TTC13: variants seen among roughly 807,000 people sequenced by gnomAD.
TTC13 encodes the protein tetratricopeptide repeat domain 13, also known as tetratricopeptide repeat protein 13.
A neutral mutation model predicts 120.0 loss-of-function variants in TTC13; 62 were observed. The ratio of observed to expected loss-of-function variants is 0.52; its 90% CI spans 0.42 to 0.64. The LOEUF (loss-of-function observed/expected upper bound fraction) is 0.64. Ranked by LOEUF, TTC13 falls within the 30% of genes least tolerant of loss-of-function variation. The pLI is 0.00. For missense variants in TTC13, 824 were observed against 1,050.2 expected (o/e 0.78, Z 2.98); for synonymous variants, 384 against 393.5 (o/e 0.98, Z 0.28).
At chr1:230,925,895 T>C (rs1041394451) in intron 12 of TTC13, among the ~76,000 whole-genome samples, 2 of 152,278 alleles carry the variant, frequency 1.3e-5, no homozygotes, top group Middle Eastern at 3.4e-3. Context: ...TAGTATGCAA[T>C]TCAGAAGACA....
intron 8 of TTC13, among the ~76,000 whole-genome samples, chr1:230,937,266 G>A (rs183206914): frequency 6.6e-6 from 1 of 152,174 alleles, no homozygotes; most frequent in African/African-American, 2.4e-5. Flanking sequence ...CCTAAACCTG[G>A]CTTTACAGTA....
intron 8 of TTC13, among the ~76,000 whole-genome samples, chr1:230,934,503 A>G (rs1412087373): frequency 2.0e-5 from 3 of 152,326 alleles, no homozygotes; most frequent in African/African-American, 7.2e-5. Flanking sequence ...AGCAGGCACT[A>G]TCCTTTGGGA....
intron 15 of TTC13, among the ~76,000 whole-genome samples, chr1:230,921,850 C>T (rs1010562127): frequency 1.3e-5 from 2 of 152,198 alleles, no homozygotes; most frequent in African/African-American, 4.8e-5. Flanking sequence ...TCCCCTCCCT[C>T]AGTTCTCCCA....
rs372895495 is a variant in TTC13, at chr1:230,908,410, G to A, written c.2468+302C>T. 3.1e-5 allele frequency: 15 copies of A among 483,204 alleles called. No homozygotes were observed. In the East Asian group the frequency reaches 4.1e-4, roughly 13 times the overall value. 29.9% of individuals were successfully genotyped at this position (483,204 alleles called of 1,614,324 possible). A position where few individuals can be genotyped will look rare whatever the true frequency, so the allele number is the denominator to read the frequency against. ...TCACTATGTTGCCCAGGCTGGTCTCGAACTCCTGGCCTCAAATGATCCTTC... is the reference window on the plus strand; with the variant it reads ...TCACTATGTTGCCCAGGCTGGTCTCAAACTCCTGGCCTCAAATGATCCTTC... On this transcript the variant is annotated intron_variant, in intron 22 of 22. Transcript: ENST00000366661.
intron 9 of TTC13, 98 bp from the exon 10 acceptor site, chr1:230,931,975 T>C (rs1013268910): frequency 1.4e-5 from 17 of 1,176,908 alleles, no homozygotes; most frequent in African/African-American, 3.1e-5. Flanking sequence ...GTAAACAAGA[T>C]ACCTTGATGG....
At chr1:230,949,937 C>G (rs1220784492) in intron 4 of TTC13, among the ~76,000 whole-genome samples, 4 of 152,226 alleles carry the variant, frequency 2.6e-5, no homozygotes, top group Non-Finnish European at 4.4e-5. Context: ...GCCTGAGCCA[C>G]CACGCCCGGC....
intron 3 of TTC13, among the ~76,000 whole-genome samples, chr1:230,957,030 C>T (rs931750745): frequency 6.6e-6 from 1 of 152,152 alleles, no homozygotes; most frequent in Admixed American, 6.6e-5. Flanking sequence ...ACAAAACAGA[C>T]CTGGCATATC....
At chr1:230,923,745 C>G in intron 15 of TTC13, 96 bp downstream of exon 15, 1 of 1,012,522 alleles carries the variant, frequency 9.9e-7, no homozygotes, top group Non-Finnish European at 1.5e-6. Context: ...CAAAAAGTCA[C>G]CAGGAAAGGA....
At position 230,943,178 on chromosome 1, in the gene TTC13, T is replaced by A. The variant is rs201703681; in HGVS notation, c.672+628A>T. Among the ~76,000 whole-genome samples the A allele has an allele frequency of 2.0e-4, 31 of 152,328 alleles. No individual in the cohort carries two copies. The East Asian group carries it at 5.8e-3, about 28-fold the overall frequency. ...ATTATGTGTTATATTTTTCAATGAATATTATGTGTTATATTTTTCAATGAA... is the reference window on the plus strand; with the variant it reads ...ATTATGTGTTATATTTTTCAATGAAAATTATGTGTTATATTTTTCAATGAA... On this transcript the variant is annotated intron_variant, in intron 6 of 22. Coordinates refer to ENST00000366661, the MANE Select transcript of TTC13 (RefSeq NM_024525.5).
intron 8 of TTC13, among the ~76,000 whole-genome samples, chr1:230,937,865 A>G (rs917937635): frequency 6.6e-6 from 1 of 152,234 alleles, no homozygotes; most frequent in Non-Finnish European, 1.5e-5. Flanking sequence ...CTTTATAGAC[A>G]TGGAAGGAGA....
At chr1:230,950,438 A>G (rs979301755) in intron 4 of TTC13, among the ~76,000 whole-genome samples, 2 of 152,016 alleles carry the variant, frequency 1.3e-5, no homozygotes, top group Admixed American at 6.6e-5. Flanking sequence ...CAAAAAAAAA[A>G]GAGTCTAATA....
intron 3 of TTC13, 146 bp downstream of exon 3, chr1:230,958,078 C>T (rs1260354878): frequency 2.4e-5 from 14 of 587,886 alleles, no homozygotes; most frequent in African/African-American, 3.9e-5. Context: ...TGGAATGTCA[C>T]AAGGGCTGAA....
At chr1:230,933,054 C>A (rs945595278) in intron 9 of TTC13, among the ~76,000 whole-genome samples, 1 of 152,140 alleles carries the variant, frequency 6.6e-6, no homozygotes, top group Non-Finnish European at 1.5e-5. Context: ...CTCACCGCAA[C>A]CTCTGACTCC....
chr1:230,909,607 T>C (rs1671290861), intron 20 of TTC13, among the ~76,000 whole-genome samples: 1 of 152,172 alleles, frequency 6.6e-6, no homozygotes, highest in Non-Finnish European at 1.5e-5. Context: ...ACTCCAGCAA[T>C]GCATGTATAC....
intron 1 of TTC13, among the ~76,000 whole-genome samples, chr1:230,977,665 A>T (rs1389117523): frequency 2.6e-5 from 4 of 152,202 alleles, no homozygotes; most frequent in Non-Finnish European, 5.9e-5. Context: ...ACCATCTCCC[A>T]GTGGGTTCGG....
At position 230,954,405 on chromosome 1, in the gene TTC13, T is replaced by G; in HGVS notation, c.443-2A>C. On this transcript the variant is annotated splice_acceptor_variant, in intron 3 of 22. Coordinates refer to ENST00000366661, the MANE Select transcript of TTC13 (RefSeq NM_024525.5). LOFTEE classifies it high-confidence loss of function. ...TGCCAATCAAGACATAAGCAATAGC[T>G]ATGAAACAAAATACAAAAATATTAA... 6.2e-7 allele frequency: 1 copy of G among 1,607,150 alleles called. No individual in the cohort carries two copies. Among genetic ancestry groups the G allele is most frequent in the Non-Finnish European group, 8.5e-7 (1 of 1,175,708 alleles).
chr1:230,924,488 A>G (rs1672879934), intron 14 of TTC13, among the ~76,000 whole-genome samples: 1 of 152,046 alleles, frequency 6.6e-6, no homozygotes, highest in Admixed American at 6.5e-5. Context: ...GCGCACCACC[A>G]CGCCCAGCTA....
intron 19 of TTC13, 88 bp downstream of exon 19, chr1:230,912,535 G>A (rs1572172987): frequency 7.0e-7 from 1 of 1,424,142 alleles, no homozygotes; most frequent in South Asian, 1.3e-5. Context: ...AGCATAAGAT[G>A]TACAATCTCA....
In TTC13 at chr1:230,926,375, C is replaced by T. The variant is rs544905627; in HGVS notation, c.1458-728G>A. ...ATTAAATTCTCCCAGCGATTAGTTG[C>T]GAACACGTGTAAAATGCTGCCAACC... On this transcript the variant is annotated intron_variant, in intron 12 of 22. Transcript: ENST00000366661. Among the ~76,000 whole-genome samples, 3 of 152,192 alleles carry T rather than the reference C, an allele frequency of 2.0e-5. No homozygotes were observed. In the South Asian group the frequency reaches 6.2e-4, roughly 32 times the overall value.
Sources: allele counts gnomAD v4.1 joint callset (sites outside exome capture counted in the v4.1 genomes callset), GRCh38; gene constraint gnomAD v4.1.1; transcripts MANE v1.5; gene names NCBI Gene and HGNC (gene_info 2026-07-23, HGNC 2026-07-21).